Variants in SMYD3 observed in about 807,000 individuals in gnomAD.
SMYD3 encodes SET and MYND domain containing 3.
SMYD3 carries 36 observed loss-of-function variants against 57.7 expected under a neutral mutation model. That is an observed-to-expected ratio of 0.62 (90% CI 0.48 to 0.82). The LOEUF is 0.82. SMYD3 is among the 40% of genes least tolerant of loss of function. SMYD3 has a pLI of 0.00. For missense variants in SMYD3, 515 were observed against 538.8 expected (o/e 0.96, Z 0.44); for synonymous variants, 211 against 195.0 (o/e 1.08, Z -0.68).
chr1:246,402,480 G>C (rs376869140), intron 1 of SMYD3, among the ~76,000 whole-genome samples: 1 of 151,720 alleles, frequency 6.6e-6, no homozygotes, highest in Non-Finnish European at 1.5e-5. Flanking sequence ...GAGGTTAATC[G>C]AGACAGAGTG....
At chr1:246,065,983 G>C (rs560404784) in intron 5 of SMYD3, among the ~76,000 whole-genome samples, 1 of 152,042 alleles carries the variant, frequency 6.6e-6, no homozygotes, top group Non-Finnish European at 1.5e-5. Context: ...GTTGTAAACT[G>C]CCACTCAGGA....
chr1:245,838,182 T>G (rs1254621039), intron 10 of SMYD3, among the ~76,000 whole-genome samples: 1 of 152,234 alleles, frequency 6.6e-6, no homozygotes, highest in African/African-American at 2.4e-5. Context: ...ACAACTAAAA[T>G]TGCAATGACA....
intron 5 of SMYD3, among the ~76,000 whole-genome samples, chr1:246,247,510 A>G (rs1317090729): frequency 6.9e-6 from 1 of 145,052 alleles, no homozygotes; most frequent in African/African-American, 2.6e-5. Flanking sequence ...ACTCATATAT[A>G]TATATATACA....
intron 1 of SMYD3, 76 bp downstream of exon 1, chr1:246,506,978 G>GCCCCCCCCAC: frequency 5.1e-6 from 6 of 1,174,510 alleles, no homozygotes; most frequent in Non-Finnish European, 6.7e-6. Context: ...CGCGGCTGCC[G>GCCCCCCCCAC]GCCGCCCGAC....
chr1:245,882,394 A>G (rs2052833269), intron 8 of SMYD3, among the ~76,000 whole-genome samples: 1 of 152,218 alleles, frequency 6.6e-6, no homozygotes, highest in Non-Finnish European at 1.5e-5. Context: ...CAGCTCCCTA[A>G]GTCATCAAAC....
rs1056402501 is a variant in SMYD3 at position 245,953,151 on chromosome 1, AG to A, written c.532-23215del. ...TGGGTAAAGTGTTATTTCCCCAAAG[AG>A]GAATTGAAGCTAGTTAGATCTCTTT... On this transcript the variant is annotated intron_variant, in intron 5 of 11. Transcript: ENST00000490107. 51 of 830,072 alleles carry A rather than the reference AG, an allele frequency of 6.1e-5. No individual in the cohort carries two copies. The African/African-American group carries it at 9.5e-4, about 15-fold the overall frequency. 51.4% of individuals were successfully genotyped at this position (830,072 alleles called of 1,614,324 possible).
In SMYD3 at chr1:246,501,641, C is replaced by A. The variant is rs371630500; in HGVS notation, c.164+5413G>T. On this transcript the variant is annotated intron_variant, in intron 1 of 11. Transcript: ENST00000490107. ...TGAGAAACCATGATCCACAATTACA[C>A]CCTCCCTTGCCTACAACTTCAACTT... Among the ~76,000 whole-genome samples the A allele has an allele frequency of 5.3e-5, 8 of 152,298 alleles. No homozygotes were observed. In the East Asian group the frequency reaches 7.7e-4, roughly 15 times the overall value.
intron 10 of SMYD3, among the ~76,000 whole-genome samples, chr1:245,828,727 C>G (rs2049653313): frequency 7.2e-6 from 1 of 139,604 alleles, no homozygotes; most frequent in African/African-American, 2.6e-5. Context: ...TTTTTTGAGA[C>G]AGGGTCTCAT....
chr1:246,124,923 T>C (rs2061482486), intron 5 of SMYD3, among the ~76,000 whole-genome samples: 1 of 151,896 alleles, frequency 6.6e-6, no homozygotes, highest in African/African-American at 2.4e-5. Context: ...CAAAAAAAAA[T>C]TAGCCGGGCG....
rs114701129 is a variant in SMYD3, at chr1:246,178,066, A to G, written c.531+149135T>C. Reference sequence around the variant, plus strand: ...GTAATTTAACTTGCTTTGGTAATTTATTCACCCTTCTAATTAGATGTAGTT... The same window carrying G: ...GTAATTTAACTTGCTTTGGTAATTTGTTCACCCTTCTAATTAGATGTAGTT... On this transcript the variant is annotated intron_variant, in intron 5 of 11. Coordinates refer to ENST00000490107, the MANE Select transcript of SMYD3 (RefSeq NM_001167740.2). Among the ~76,000 whole-genome samples, 336 of 152,318 alleles carry G rather than the reference A, an allele frequency of 2.2e-3. 2 individuals carry two copies. The highest frequency in any genetic ancestry group is 4.1e-3 in the Non-Finnish European group (281 of 68,022).
At chr1:245,832,995 C>T (rs1400821011) in intron 10 of SMYD3, among the ~76,000 whole-genome samples, 1 of 147,366 alleles carries the variant, frequency 6.8e-6, no homozygotes, top group African/African-American at 2.5e-5. Flanking sequence ...AGTGAAGCTT[C>T]CACGATCCAT....
At chr1:246,447,793 T>A (rs978870014) in intron 1 of SMYD3, among the ~76,000 whole-genome samples, 1 of 152,206 alleles carries the variant, frequency 6.6e-6, no homozygotes, top group Admixed American at 6.5e-5. Context: ...TCACTTGGAT[T>A]ACTGAGCTCT....
chr1:246,319,388 T>C (rs1047734864), intron 5 of SMYD3, among the ~76,000 whole-genome samples: 3 of 152,180 alleles, frequency 2.0e-5, no homozygotes, highest in South Asian at 2.1e-4. Flanking sequence ...TGCTCGCTTT[T>C]AGTGTTAAAT....
chr1:246,378,690 TAATA>T (rs1324016991), intron 1 of SMYD3, among the ~76,000 whole-genome samples: 1 of 93,454 alleles, frequency 1.1e-5, no homozygotes, highest in Non-Finnish European at 2.3e-5. Flanking sequence ...TATATATACT[TAATA>T]AACTCCCCTT....
intron 5 of SMYD3, among the ~76,000 whole-genome samples, chr1:246,045,363 C>A (rs1285119137): frequency 6.6e-6 from 1 of 152,068 alleles, no homozygotes; most frequent in African/African-American, 2.4e-5. Flanking sequence ...ACAAACCTCA[C>A]AAAAAGAAGA....
chr1:246,262,658 T>C (rs960095013), intron 5 of SMYD3, among the ~76,000 whole-genome samples: 1 of 152,118 alleles, frequency 6.6e-6, no homozygotes, highest in African/African-American at 2.4e-5. Flanking sequence ...CTAAACCATA[T>C]AGCCGGTCTC....
chr1:246,167,741 C>T (rs992018175), intron 5 of SMYD3, among the ~76,000 whole-genome samples: 2 of 152,122 alleles, frequency 1.3e-5, no homozygotes, highest in Non-Finnish European at 2.9e-5. Context: ...AAACTCCTGA[C>T]CTCAGGTGAT....
At chr1:246,180,288 T>TTA (rs569870572) in intron 5 of SMYD3, among the ~76,000 whole-genome samples, 12 of 145,454 alleles carry the variant, frequency 8.3e-5, no homozygotes, top group African/African-American at 2.8e-4. Flanking sequence ...TATAAACTAC[T>TTA]TATATATATA....
intron 10 of SMYD3, among the ~76,000 whole-genome samples, chr1:245,813,285 T>G (rs549750336): frequency 6.6e-6 from 1 of 152,224 alleles, no homozygotes; most frequent in African/African-American, 2.4e-5. Context: ...AGTGCTGGGA[T>G]TACAGGCATG....
Sources: gnomAD v4.1 joint callset for allele counts (sites outside exome capture counted in the v4.1 genomes callset) on GRCh38, gnomAD v4.1.1 for gene constraint, MANE v1.5 for transcripts, NCBI Gene and HGNC (gene_info 2026-07-23, HGNC 2026-07-21) for gene names.